RPS6KA2: variants seen among roughly 807,000 people sequenced by gnomAD.
RPS6KA2 encodes the protein ribosomal protein S6 kinase A2.
A neutral mutation model predicts 91.8 loss-of-function variants in RPS6KA2; 42 were observed. That is an observed-to-expected ratio of 0.46 (90% CI 0.36 to 0.59). The LOEUF is 0.59. Ranked by LOEUF, RPS6KA2 falls within the 20% of genes least tolerant of loss-of-function variation. The pLI is 0.00. For synonymous variants in RPS6KA2, 414 were observed against 393.6 expected (o/e 1.05, Z -0.61); for missense variants, 798 against 978.5 (o/e 0.82, Z 2.46).
At chr6:166,604,643 G>A (rs998466286) in intron 1 of RPS6KA2, among the ~76,000 whole-genome samples, 1 of 152,218 alleles carries the variant, frequency 6.6e-6, no homozygotes, top group Non-Finnish European at 1.5e-5. Context: ...CTTGCTGTAA[G>A]AAGTCAACAT....
intron 1 of RPS6KA2, among the ~76,000 whole-genome samples, chr6:166,601,016 G>T (rs150692886): frequency 6.6e-6 from 1 of 152,220 alleles, no homozygotes; most frequent in African/African-American, 2.4e-5. Context: ...CAAAAAGATG[G>T]TGACAGATGA....
chr6:166,795,790 A>T (rs1307985982), intron 2 of RPS6KA2, among the ~76,000 whole-genome samples: 1 of 152,164 alleles, frequency 6.6e-6, no homozygotes, highest in African/African-American at 2.4e-5. Flanking sequence ...AGGAATCAGG[A>T]ATAATTTTCC....
In RPS6KA2 at chr6:166,859,501, C is replaced by T. The variant is rs74508311; in HGVS notation, c.64-1242G>A. Among the ~76,000 whole-genome samples, 22 of 152,332 alleles carry T rather than the reference C, an allele frequency of 1.4e-4. No individual in the cohort carries two copies. The East Asian group carries it at 2.5e-3, about 17-fold the overall frequency. On this transcript the variant is annotated intron_variant, in intron 1 of 21. Transcript: ENST00000503859. ...ACATGTTTCTTTTTCATGCTAGATT[C>T]TGCCGGGGTTTTCTGGAGGTTCTGG...
intron 2 of RPS6KA2, among the ~76,000 whole-genome samples, chr6:166,669,754 C>T (rs975053132): frequency 6.6e-6 from 1 of 152,194 alleles, no homozygotes; most frequent in Non-Finnish European, 1.5e-5. Flanking sequence ...TGCTTCATCC[C>T]AGTGGGTGAA....
chr6:166,824,655 G>GTGTGTCTATGTGTGTGTC (rs1779989592), intron 2 of RPS6KA2, among the ~76,000 whole-genome samples: 2 of 150,618 alleles, frequency 1.3e-5, no homozygotes, highest in Admixed American at 1.3e-4. Flanking sequence ...CTGTGTGTGT[G>GTGTGTCTATGTGTGTGTC]TGTGTGTCTA....
intron 2 of RPS6KA2, among the ~76,000 whole-genome samples, chr6:166,743,458 T>A (rs971492225): frequency 1.9e-4 from 29 of 152,190 alleles, no homozygotes; most frequent in African/African-American, 6.7e-4. Context: ...TTTTAATGAG[T>A]GTGGAACATG....
chr6:166,673,027 C>T (rs1292207292), intron 2 of RPS6KA2, among the ~76,000 whole-genome samples: 1 of 152,180 alleles, frequency 6.6e-6, no homozygotes, highest in Non-Finnish European at 1.5e-5. Context: ...CGAGCCCTCT[C>T]CCAGCCCTCC....
chr6:166,850,461 C>T (rs1346162691), intron 2 of RPS6KA2, among the ~76,000 whole-genome samples: 1 of 152,136 alleles, frequency 6.6e-6, no homozygotes, highest in Admixed American at 6.5e-5. Flanking sequence ...GACAAGATAG[C>T]AGTGAATAGG....
At chr6:166,656,808 C>A (rs1247827599) in intron 2 of RPS6KA2, among the ~76,000 whole-genome samples, 1 of 152,196 alleles carries the variant, frequency 6.6e-6, no homozygotes, top group South Asian at 2.1e-4. Context: ...TAGGTGCCAT[C>A]GCCTCCCAGG....
At chr6:166,851,094 A>C (rs1308464111) in intron 2 of RPS6KA2, among the ~76,000 whole-genome samples, 1 of 152,174 alleles carries the variant, frequency 6.6e-6, no homozygotes, top group Non-Finnish European at 1.5e-5. Flanking sequence ...CGATTTCACC[A>C]CCTGAAAAAT....
chr6:166,518,406 C>T (rs1782734711), intron 3 of RPS6KA2, among the ~76,000 whole-genome samples: 1 of 151,136 alleles, frequency 6.6e-6, no homozygotes, highest in African/African-American at 2.4e-5. Context: ...ATTGGCCATT[C>T]AAAAAGATTA....
intron 2 of RPS6KA2, among the ~76,000 whole-genome samples, chr6:166,796,735 C>T (rs16899466): frequency 0.041 from 6,245 of 152,308 alleles, 532 homozygotes; most frequent in East Asian, 0.38. Context: ...CTCAAAACTA[C>T]GCAGTCCTGA....
Position 166,739,582 on chromosome 6 carries a change from C to T in RPS6KA2, c.123+118618G>A, listed in dbSNP as rs982253360. On this transcript the variant is annotated intron_variant, in intron 2 of 21. Transcript: ENST00000503859. ...TAAGTCAGGCAACCGAATGAGAGAG[C>T]GGGTACGGAAAAGACAGGAAAAGAG... Among the ~76,000 whole-genome samples, 17 of 152,256 alleles carry T rather than the reference C, an allele frequency of 1.1e-4. 1 individual carries two copies. The highest frequency in any genetic ancestry group is 9.8e-4 in the Admixed American group (15 of 15,294).
At chr6:166,854,882 C>G (rs1264274851) in intron 2 of RPS6KA2, among the ~76,000 whole-genome samples, 1 of 152,182 alleles carries the variant, frequency 6.6e-6, no homozygotes, top group Admixed American at 6.5e-5. Flanking sequence ...ATAAAAAAGA[C>G]ACCTTCACTT....
chr6:166,498,900 G>A (rs970916792), intron 7 of RPS6KA2, among the ~76,000 whole-genome samples: 3 of 152,332 alleles, frequency 2.0e-5, no homozygotes, highest in African/African-American at 7.2e-5. Flanking sequence ...ACTCAGGAGC[G>A]CCTTGGAACA....
At chr6:166,710,113 C>A (rs564431692) in intron 2 of RPS6KA2, among the ~76,000 whole-genome samples, 4 of 152,226 alleles carry the variant, frequency 2.6e-5, no homozygotes, top group African/African-American at 9.6e-5. Flanking sequence ...TTTTCCCTAT[C>A]CTTACAAATC....
chr6:166,734,167 C>T (rs112923807), intron 2 of RPS6KA2, among the ~76,000 whole-genome samples: 1,725 of 152,252 alleles, frequency 0.011, 23 homozygotes, highest in African/African-American at 0.04. Flanking sequence ...GCAAGGGGGC[C>T]GAGGGCTCCT....
chr6:166,739,638 AG>A (rs1790757048), intron 2 of RPS6KA2, among the ~76,000 whole-genome samples: 1 of 152,218 alleles, frequency 6.6e-6, no homozygotes, highest in South Asian at 2.1e-4. Flanking sequence ...TATCAGGTTA[AG>A]GGGACCCCAC....
At position 166,597,466 on chromosome 6, in the gene RPS6KA2, G is replaced by A. The variant is rs559129465; in HGVS notation, c.99+29455C>T. Reference sequence around the variant, plus strand: ...GGGGAAAAGGACGGCAGTGGAGCGGGTGCTGGGCTGCAGGGTGGAGGAGGA... The same window carrying A: ...GGGGAAAAGGACGGCAGTGGAGCGGATGCTGGGCTGCAGGGTGGAGGAGGA... On this transcript the variant is annotated intron_variant, in intron 1 of 20. Transcript: ENST00000265678. Among the ~76,000 whole-genome samples the A allele has an allele frequency of 2.0e-5, 3 of 152,362 alleles. No homozygotes were observed. The South Asian group carries it at 6.2e-4, about 32-fold the overall frequency.
Sources: gnomAD v4.1 joint callset for allele counts (sites outside exome capture counted in the v4.1 genomes callset) on GRCh38, gnomAD v4.1.1 for gene constraint, MANE v1.5 for transcripts, NCBI Gene and HGNC (gene_info 2026-07-23, HGNC 2026-07-21) for gene names.